Variants in RALB observed in about 807,000 individuals in gnomAD.
RALB encodes the protein RAS like proto-oncogene B, also known as ras-related protein Ral-B.
Under a neutral mutation model 21.3 loss-of-function variants are expected in RALB, and 16 were observed. The ratio of observed to expected loss-of-function variants is 0.75; its 90% CI spans 0.51 to 1.14. The LOEUF is 1.14. RALB is among the 50% of genes most tolerant of loss of function. The pLI is 0.00. For synonymous variants in RALB, 93 were observed against 96.1 expected (o/e 0.97, Z 0.19); for missense variants, 161 against 256.2 (o/e 0.63, Z 2.54).
At chr2:120,280,793 C>A (rs1344363197) in intron 2 of RALB, 1 of 363,670 alleles carries the variant, frequency 2.7e-6, no homozygotes, top group Non-Finnish European at 5.4e-6. Context: ...TTTTCATTAA[C>A]CATGCTAAAG....
chr2:120,281,887 A>G (rs1689998867), intron 2 of RALB, among the ~76,000 whole-genome samples: 1 of 152,078 alleles, frequency 6.6e-6, no homozygotes. Flanking sequence ...CAGAGGTGAG[A>G]GAGGGGGATT....
In RALB at chr2:120,285,906, C is replaced by G; in HGVS notation, c.147C>G (p.Asp49Glu). Residue 49 changes from aspartate to glutamate, a missense_variant, in exon 3 of 5, where the codon GAC (aspartate) becomes GAG (glutamate). Transcript: ENST00000272519. ...FVEDYEPTKA[D>E]SYRKKVVLDG... is the part of the protein sequence containing the mutation. ...AAGACTATGAACCTACCAAAGCTGA[C>G]AGTTATAGAAAGAAAGTGGTTCTTG... The G allele has an allele frequency of 6.2e-7, 1 of 1,613,750 alleles. No individual in the cohort carries two copies. Among genetic ancestry groups the G allele is most frequent in the Non-Finnish European group, 8.5e-7 (1 of 1,179,786 alleles).
At chr2:120,277,936 AGCG>A (rs1450720820) in intron 1 of RALB, among the ~76,000 whole-genome samples, 36 of 79,144 alleles carry the variant, frequency 4.5e-4, no homozygotes, top group Admixed American at 2.7e-3. Flanking sequence ...AGCGTGTGTG[AGCG>A]AGTGTGAATG....
At chr2:120,249,547 T>G (rs1201168624), upstream of RALB, among the ~76,000 whole-genome samples, 1 of 152,086 alleles carries the variant, frequency 6.6e-6, no homozygotes, top group Admixed American at 6.5e-5. Flanking sequence ...GGGATAAGAA[T>G]AGGCGGGGAG....
intron 2 of RALB, among the ~76,000 whole-genome samples, chr2:120,279,129 C>T (rs1234133738): frequency 2.0e-5 from 3 of 152,130 alleles, no homozygotes; most frequent in Non-Finnish European, 4.4e-5. Context: ...GTCAGTCAAT[C>T]GCGAAGTGAA....
In RALB at chr2:120,293,377, C is replaced by A; in HGVS notation, c.*117C>A. ...CCCACTCTCCCCGACTTCATTCACT[C>A]AAACTTCTTTAAATGGGGAAAAATA... On this transcript the variant is annotated 3_prime_UTR_variant, in exon 5 of 5. Coordinates refer to ENST00000272519, the MANE Select transcript of RALB (RefSeq NM_002881.3). The A allele has an allele frequency of 8.7e-7, 1 of 1,153,208 alleles. No individual in the cohort carries two copies. Among genetic ancestry groups the A allele is most frequent in the Non-Finnish European group, 1.2e-6 (1 of 868,148 alleles). The allele number at this position is 1,153,208 out of a possible 1,614,324, so 71.4% of individuals were successfully genotyped here.
chr2:120,280,559 G>C (rs1689963849), intron 2 of RALB, among the ~76,000 whole-genome samples: 1 of 151,458 alleles, frequency 6.6e-6, no homozygotes, highest in Admixed American at 6.6e-5. Context: ...GGGGGGCGGG[G>C]GGCAAGGGGA....
At chr2:120,280,990 T>C (rs1436862157) in intron 2 of RALB, 16 of 335,078 alleles carry the variant, frequency 4.8e-5, no homozygotes, top group Non-Finnish European at 9.2e-5. Flanking sequence ...TAGTTTTTTT[T>C]ATTACTGTAT....
intron 1 of RALB, among the ~76,000 whole-genome samples, chr2:120,275,892 A>G (rs965908952): frequency 1.3e-5 from 2 of 152,204 alleles, no homozygotes; most frequent in Non-Finnish European, 2.9e-5. Context: ...CACAGAGAGT[A>G]GTCCTGGAAA....
chr2:120,289,964 C>A (rs1487403852), intron 4 of RALB, among the ~76,000 whole-genome samples: 2 of 152,178 alleles, frequency 1.3e-5, no homozygotes, highest in African/African-American at 4.8e-5. Flanking sequence ...GAACCTTTTA[C>A]TTTGTCATGA....
At chr2:120,246,898 G>C (rs1224782568) in intron 1 of RALB, among the ~76,000 whole-genome samples, 1 of 152,192 alleles carries the variant, frequency 6.6e-6, no homozygotes, top group African/African-American at 2.4e-5. Flanking sequence ...TAGCTGGGGA[G>C]GGAGGGAGGG....
At chr2:120,243,730 C>G (rs1047809944) in intron 1 of RALB, among the ~76,000 whole-genome samples, 4 of 152,150 alleles carry the variant, frequency 2.6e-5, no homozygotes, top group Admixed American at 2.6e-4. Flanking sequence ...ACAACATGCC[C>G]AGTTAAATTT....
At chr2:120,245,591 G>A (rs1409355506) in intron 1 of RALB, among the ~76,000 whole-genome samples, 1 of 152,164 alleles carries the variant, frequency 6.6e-6, no homozygotes, top group Non-Finnish European at 1.5e-5. Context: ...CCTTCCTGGC[G>A]CCCTGCAGGA....
chr2:120,258,752 A>C (rs1003484873), intron 1 of RALB, among the ~76,000 whole-genome samples: 1 of 152,208 alleles, frequency 6.6e-6, no homozygotes, highest in African/African-American at 2.4e-5. Context: ...GGGAGAGGCA[A>C]TGGGAGTCAA....
intron 1 of RALB, among the ~76,000 whole-genome samples, chr2:120,270,574 G>C (rs978570841): frequency 6.6e-6 from 1 of 151,498 alleles, no homozygotes; most frequent in Non-Finnish European, 1.5e-5. Context: ...TTGTAAGGCC[G>C]GAACAGGGAG....
chr2:120,260,135 T>A (rs1291963984), intron 1 of RALB, among the ~76,000 whole-genome samples: 1 of 152,140 alleles, frequency 6.6e-6, no homozygotes, highest in Non-Finnish European at 1.5e-5. Flanking sequence ...TGCCTCTCCC[T>A]CCACACCTCC....
At position 120,293,440 on chromosome 2, in the gene RALB, G is replaced by GC. The variant is rs1237131080; in HGVS notation, c.*181dup. ...TGGCTGGCAGAAGAAATAAGCCCAT[G>GC]CAAGTGGAAGGGCTGCTTTGTCAGG... is the stretch of plus-strand genomic sequence containing the variant. On this transcript the variant is annotated 3_prime_UTR_variant, in exon 5 of 5. Coordinates refer to ENST00000272519, the MANE Select transcript of RALB (RefSeq NM_002881.3). The GC allele has an allele frequency of 1.8e-5, 9 of 496,192 alleles. No homozygotes were observed. 30.7% of individuals were successfully genotyped at this position (496,192 alleles called of 1,614,324 possible).
At chr2:120,252,806 G>C (rs1044595596), upstream of RALB, 5 of 985,470 alleles carry the variant, frequency 5.1e-6, no homozygotes, top group African/African-American at 8.7e-5. Flanking sequence ...GCGCTCTCGA[G>C]AGGAGGGGTT....
intron 4 of RALB, among the ~76,000 whole-genome samples, chr2:120,291,804 C>T (rs577746829): frequency 2.6e-5 from 4 of 152,164 alleles, no homozygotes; most frequent in South Asian, 2.1e-4. Context: ...TTTGGGTTGG[C>T]CTGATCTAGC....
Sources: gnomAD v4.1 joint callset for allele counts (sites outside exome capture counted in the v4.1 genomes callset) on GRCh38, gnomAD v4.1.1 for gene constraint, MANE v1.5 for transcripts, NCBI Gene and HGNC (gene_info 2026-07-23, HGNC 2026-07-21) for gene names.